Variants in HECTD4 observed in about 807,000 individuals in gnomAD.
HECTD4 encodes the protein probable E3 ubiquitin-protein ligase HECTD4.
A neutral mutation model predicts 471.5 loss-of-function variants in HECTD4; 114 were observed. The observed-to-expected ratio is 0.24, with a 90% CI of 0.21 to 0.28. The LOEUF (loss-of-function observed/expected upper bound fraction) is 0.28. Ranked by LOEUF, HECTD4 falls within the 10% of genes least tolerant of loss-of-function variation. The pLI, the probability that HECTD4 is intolerant of heterozygous loss-of-function variation, is 1.00. For synonymous variants in HECTD4, 2,012 were observed against 2,256.0 expected, an observed-to-expected ratio of 0.89 and a Z score of 3.07; for missense variants, 3,866 against 5,651.5, an observed-to-expected ratio of 0.68 and a Z score of 10.13.
chr12:112,250,103 T>C, intron 25 of HECTD4, 41 bp downstream of exon 25: 1 of 1,450,804 alleles, frequency 6.9e-7, no homozygotes, highest in Non-Finnish European at 9.6e-7. Flanking sequence ...TTAAACTTTT[T>C]TTTCCCATTG....
At chr12:112,260,723 C>G (rs1287577985) in intron 18 of HECTD4, among the ~76,000 whole-genome samples, 2 of 151,362 alleles carry the variant, frequency 1.3e-5, no homozygotes, top group Non-Finnish European at 2.9e-5. Flanking sequence ...ACTACAGGTG[C>G]CTGCCACCAT....
At chr12:112,352,153 C>T (rs1594067407) in intron 1 of HECTD4, among the ~76,000 whole-genome samples, 2 of 152,022 alleles carry the variant, frequency 1.3e-5, no homozygotes, top group Admixed American at 6.6e-5. Flanking sequence ...CACATAAGAA[C>T]GTTTCAATTA....
At chr12:112,250,106 T>C (rs1437923755) in intron 25 of HECTD4, 38 bp downstream of exon 25, 18 of 1,465,576 alleles carry the variant, frequency 1.2e-5, no homozygotes, top group African/African-American at 2.8e-5. Flanking sequence ...AACTTTTTTT[T>C]CCCATTGGGA....
intron 67 of HECTD4, chr12:112,171,472 TG>T: frequency 1.4e-6 from 1 of 702,016 alleles, no homozygotes; most frequent in Non-Finnish European, 2.3e-6. Flanking sequence ...GCTGGCCAGA[TG>T]GAGGTGCTGG....
chr12:112,245,005 C>CTTAT (rs1387529463), intron 29 of HECTD4, among the ~76,000 whole-genome samples: 1 of 151,966 alleles, frequency 6.6e-6, no homozygotes, highest in South Asian at 2.1e-4. Context: ...AAAATTTTCA[C>CTTAT]TTATTTATTT....
At chr12:112,261,560 G>A (rs746684262) in intron 17 of HECTD4, 131 bp from the exon 18 acceptor site, 109 of 938,472 alleles carry the variant, frequency 1.2e-4, no homozygotes, top group Non-Finnish European at 1.5e-4. Flanking sequence ...TAAGCCCAAA[G>A]CAGTAAATTC....
chr12:112,251,017 C>T lies in HECTD4; in HGVS notation c.3670G>A (p.Glu1224Lys), dbSNP rs777170621. Reference protein sequence around the residue: ...ILYNGPEITKEEEACQELLRS... With the variant: ...ILYNGPEITKKEEACQELLRS... ...AATAGCTCCTGACAGGCTTCTTCTT[C>T]TTTGGTAATTTCTGGTCCATTGTAC... The change falls in exon 24 of 76, where the codon GAA becomes AAA. Residue 1224 changes from glutamate (E) to lysine (K), a missense_variant. By Grantham distance (56) the Glu-to-Lys change is moderately conservative. Coordinates refer to ENST00000682272, the MANE Select transcript of HECTD4 (RefSeq NM_001388303.1). 1.9e-6 allele frequency: 3 copies of T among 1,613,872 alleles called. No individual in the cohort carries two copies. The highest frequency in any genetic ancestry group is 2.5e-6 in the Non-Finnish European group (3 of 1,179,832).
intron 59 of HECTD4, 52 bp from the exon 60 acceptor site, chr12:112,191,017 A>G (rs553371657): frequency 1.4e-6 from 2 of 1,461,216 alleles, no homozygotes; most frequent in East Asian, 2.5e-5. Flanking sequence ...CCTGACCCAA[A>G]TAAGCCTCAC....
intron 55 of HECTD4, among the ~76,000 whole-genome samples, chr12:112,198,656 T>C (rs2032321904): frequency 6.6e-6 from 1 of 152,080 alleles, no homozygotes; most frequent in African/African-American, 2.4e-5. Flanking sequence ...CTTCCAGATA[T>C]GGGGAGGCCA....
At position 112,183,254 on chromosome 12, in the gene HECTD4, C is replaced by T; in HGVS notation, c.10792G>A (p.Ala3598Thr). 6.2e-7 allele frequency: 1 copy of T among 1,613,474 alleles called. No homozygotes were observed. The highest frequency in any genetic ancestry group is 8.5e-7 in the Non-Finnish European group (1 of 1,179,778). ...CTTGCTCGAATTTTCTCAATTTTGGCTCGGGATCTTATCTGTGTGAACAGA... is the reference window on the plus strand; with the variant it reads ...CTTGCTCGAATTTTCTCAATTTTGGTTCGGGATCTTATCTGTGTGAACAGA... ...GFAVVEIRSR[A>T]KIEKIRASLF... The change falls in exon 62 of 76, where the codon GCC becomes ACC. Residue 3598 changes from alanine (A) to threonine (T), a missense_variant. Ala to Thr is a moderately conservative substitution (Grantham distance 58, BLOSUM62 0). Around this residue, in one of 16 missense-constraint regions of HECTD4, gnomAD observed 715 missense variants for 1,087.6 expected, o/e 0.66. Coordinates refer to ENST00000682272, the MANE Select transcript of HECTD4 (RefSeq NM_001388303.1).
rs1221607178 is a variant in HECTD4, at chr12:112,194,597, TAC to T, written c.8749+286_8749+287del. ...TCAAATAGAATGTCTGTGGCAACAA[TAC>T]AGTGACTTGGTTTCATAAGTAATAC... On this transcript the variant is annotated intron_variant, in intron 56 of 75. Coordinates refer to ENST00000682272, the MANE Select transcript of HECTD4 (RefSeq NM_001388303.1). This position sits in a 1 kb window ranked among gnomAD's most constrained non-coding sequence, Gnocchi z 4.6. 5.9e-5 allele frequency among the ~76,000 whole-genome samples: 9 copies of T among 152,224 alleles called. No individual in the cohort carries two copies. The highest frequency in any genetic ancestry group is 1.7e-4 in the African/African-American group (7 of 41,458).
At position 112,212,160 on chromosome 12, in the gene HECTD4, CTT is replaced by C. The variant is rs371785523; in HGVS notation, c.7629+325_7629+326del. 5.0e-4 allele frequency among the ~76,000 whole-genome samples: 76 copies of C among 152,320 alleles called. No homozygotes were observed. In the East Asian group the frequency reaches 0.013, roughly 27 times the overall value. ...CATACTGAGCAACCAAAGAGAATCA[CTT>C]TCAAAATTTACTTAATCACATAATC... On this transcript the variant is annotated intron_variant, in intron 49 of 75. Coordinates refer to ENST00000682272, the MANE Select transcript of HECTD4 (RefSeq NM_001388303.1).
chr12:112,348,122 A>G (rs564783252), intron 1 of HECTD4, among the ~76,000 whole-genome samples: 2 of 152,222 alleles, frequency 1.3e-5, no homozygotes, highest in Admixed American at 6.5e-5. Context: ...AACTTAAAAA[A>G]TTTTTAAATT....
chr12:112,166,826 C>G lies in HECTD4; in HGVS notation c.12534+491G>C, dbSNP rs1201222449. ...GAAGGACTGTGGACTCCATCTCCCT[C>G]CAGGGGGGCACTGGGCAACAGCACC... On this transcript the variant is annotated intron_variant, in intron 72 of 75. Coordinates refer to ENST00000682272, the MANE Select transcript of HECTD4 (RefSeq NM_001388303.1). This position sits in a 1 kb window ranked among gnomAD's most constrained non-coding sequence, Gnocchi z 4.6. 1 of 152,924 alleles carries G rather than the reference C, an allele frequency of 6.5e-6. No individual in the cohort carries two copies. Among genetic ancestry groups the G allele is most frequent in the Admixed American group, 6.5e-5 (1 of 15,310 alleles). 9.5% of individuals were successfully genotyped at this position (152,924 alleles called of 1,614,324 possible). A position where few individuals can be genotyped will look rare whatever the true frequency, so the allele number is the denominator to read the frequency against.
intron 4 of HECTD4, among the ~76,000 whole-genome samples, chr12:112,311,968 C>G (rs545423100): frequency 2.0e-5 from 3 of 152,340 alleles, no homozygotes; most frequent in African/African-American, 7.2e-5. Flanking sequence ...TCCACACACT[C>G]TCATGCCTGT....
At chr12:112,302,928 C>T (rs1299809647) in intron 7 of HECTD4, among the ~76,000 whole-genome samples, 1 of 151,576 alleles carries the variant, frequency 6.6e-6, no homozygotes, top group Non-Finnish European at 1.5e-5. Flanking sequence ...CATACACATA[C>T]CTCTCCAAAG....
intron 24 of HECTD4, 97 bp from the exon 25 acceptor site, chr12:112,250,474 A>C (rs2135588508): frequency 1.2e-6 from 1 of 854,932 alleles, no homozygotes; most frequent in East Asian, 2.5e-5. Context: ...ATGAAGGATC[A>C]CATTCTGTGT....
rs1024887918 is a variant in HECTD4 at position 112,198,219 on chromosome 12, CTGACA to C, written c.8567+2414_8567+2418del. Among the ~76,000 whole-genome samples the C allele has an allele frequency of 3.9e-5, 6 of 152,180 alleles. 1 individual carries two copies. Among genetic ancestry groups the C allele is most frequent in the African/African-American group, 1.4e-4 (6 of 41,444 alleles). On this transcript the variant is annotated intron_variant, in intron 55 of 75. Transcript: ENST00000682272. ...GAGAGCATTAAAATACTGTAGTTTC[CTGACA>C]AAGAGCGCATGGACAGTCACCTTAG...
rs541903562 is a variant in HECTD4, at chr12:112,216,658, C to G, written c.7385+115G>C. The G allele has an allele frequency of 9.9e-6, 12 of 1,217,994 alleles. 1 individual carries two copies. The East Asian group carries it at 2.8e-4, about 29-fold the overall frequency. The allele number at this position is 1,217,994 out of a possible 1,614,324, so 75.4% of individuals were successfully genotyped here. The stretch of plus-strand genomic sequence containing the variant: ...ATCTCCAGAAAGGAAAAATAATGCT[C>G]TCCTTTCCCCAAACTCACTTGAAGA... On this transcript the variant is annotated intron_variant, in intron 47 of 75. Transcript: ENST00000682272.
Sources: gnomAD v4.1 joint callset for allele counts (sites outside exome capture counted in the v4.1 genomes callset) on GRCh38, gnomAD v4.1.1 for gene constraint, gnomAD v4.1.1 regional missense constraint, Gnocchi (gnomAD v3.1) non-coding constraint, MANE v1.5 for transcripts, NCBI Gene and HGNC (gene_info 2026-07-23, HGNC 2026-07-21) for gene names.